NCALD: variants seen among roughly 807,000 people sequenced by gnomAD.
NCALD encodes neurocalcin delta, also known as neurocalcin-delta.
In NCALD, 10 loss-of-function variants were observed where a neutral mutation model predicts 18.6. That is an observed-to-expected ratio of 0.54 (90% CI 0.33 to 0.91). The LOEUF is 0.91. NCALD is among the 40% of genes least tolerant of loss of function. NCALD has a pLI of 0.03. For missense variants in NCALD, 184 were observed against 247.6 expected (o/e 0.74, Z 1.72); for synonymous variants, 88 against 87.4 (o/e 1.01, Z -0.04).
chr8:101,806,749 G>A (rs777609850), intron 4 of NCALD, among the ~76,000 whole-genome samples: 2 of 152,074 alleles, frequency 1.3e-5, no homozygotes, highest in Non-Finnish European at 2.9e-5. Flanking sequence ...TAAAACACAT[G>A]CACCTATGCA....
intron 1 of NCALD, among the ~76,000 whole-genome samples, chr8:102,022,032 T>C (rs1167706898): frequency 6.6e-6 from 1 of 152,186 alleles, no homozygotes; most frequent in Non-Finnish European, 1.5e-5. Context: ...AAAGAGATGA[T>C]ACACTCAAAT....
chr8:102,070,500 C>T (rs1008223659), intron 1 of NCALD, among the ~76,000 whole-genome samples: 8 of 152,110 alleles, frequency 5.3e-5, no homozygotes, highest in African/African-American at 1.9e-4. Context: ...GGGGACTGCT[C>T]CCTGGAAAAA....
In NCALD at chr8:102,111,327, G is replaced by T. The variant is rs899167053; in HGVS notation, c.-210+12910C>A. 3.9e-5 allele frequency among the ~76,000 whole-genome samples: 6 copies of T among 152,116 alleles called. No homozygotes were observed. In the South Asian group the frequency reaches 1.2e-3, roughly 32 times the overall value. On this transcript the variant is annotated intron_variant, in intron 1 of 6. Coordinates refer to the NCALD transcript ENST00000311028. Reference sequence around the variant, plus strand: ...CATCATGGCTTCCAAAGGGTGAGGCGGTGGGAACTCAACATCACTGACTTC... The same window carrying T: ...CATCATGGCTTCCAAAGGGTGAGGCTGTGGGAACTCAACATCACTGACTTC...
chr8:101,717,446 TTC>T (rs1816138353), intron 2 of NCALD, among the ~76,000 whole-genome samples: 1 of 152,234 alleles, frequency 6.6e-6, no homozygotes, highest in African/African-American at 2.4e-5. Context: ...TTGCTTGAAT[TTC>T]TGAGTCGTGG....
intron 1 of NCALD, among the ~76,000 whole-genome samples, chr8:102,097,424 G>A (rs1825137919): frequency 6.6e-6 from 1 of 152,152 alleles, no homozygotes; most frequent in African/African-American, 2.4e-5. Flanking sequence ...CAACCACGCG[G>A]GTGCTTAAGT....
At chr8:101,892,564 C>T (rs1414780727) in intron 3 of NCALD, among the ~76,000 whole-genome samples, 2 of 148,896 alleles carry the variant, frequency 1.3e-5, no homozygotes, top group South Asian at 2.1e-4. Flanking sequence ...CAAACTACTC[C>T]GAGCTACAGG....
intron 4 of NCALD, among the ~76,000 whole-genome samples, chr8:101,845,909 C>A (rs1814849600): frequency 6.6e-6 from 1 of 152,198 alleles, no homozygotes; most frequent in East Asian, 1.9e-4. Context: ...TTTATTAACT[C>A]CCACATAGGA....
At chr8:101,736,018 A>G (rs1809893773) in intron 1 of NCALD, among the ~76,000 whole-genome samples, 1 of 152,180 alleles carries the variant, frequency 6.6e-6, no homozygotes, top group Admixed American at 6.5e-5. Context: ...TGCCCTACAC[A>G]TCTGGGCTAG....
intron 2 of NCALD, among the ~76,000 whole-genome samples, chr8:102,018,091 GA>G: frequency 6.6e-6 from 1 of 152,216 alleles, no homozygotes; most frequent in East Asian, 1.9e-4. Context: ...CCAAGTGCTA[GA>G]GGAGCTGTGG....
At chr8:102,037,667 T>C (rs1407925571) in intron 1 of NCALD, among the ~76,000 whole-genome samples, 1 of 152,130 alleles carries the variant, frequency 6.6e-6, no homozygotes, top group Non-Finnish European at 1.5e-5. Context: ...TTAACATATA[T>C]TACACTTACA....
intron 1 of NCALD, among the ~76,000 whole-genome samples, chr8:101,783,544 C>G (rs926212321): frequency 1.3e-5 from 2 of 152,132 alleles, no homozygotes; most frequent in African/African-American, 2.4e-5. Flanking sequence ...AAAATAGTGT[C>G]AAAGATACAG....
At chr8:101,955,912 T>G (rs775080452) in intron 2 of NCALD, among the ~76,000 whole-genome samples, 16 of 152,074 alleles carry the variant, frequency 1.1e-4, no homozygotes, top group Non-Finnish European at 2.4e-4. Context: ...GAATACACAC[T>G]CAGGTATTTA....
intron 3 of NCALD, among the ~76,000 whole-genome samples, chr8:101,891,554 G>A (rs868416015): frequency 4.4e-4 from 67 of 152,222 alleles, no homozygotes; most frequent in Admixed American, 1.2e-3. Flanking sequence ...AGCTCCCAGC[G>A]TGAGCGACGC....
chr8:101,707,691 G>A (rs1815593022), intron 2 of NCALD, among the ~76,000 whole-genome samples: 1 of 152,088 alleles, frequency 6.6e-6, no homozygotes, highest in South Asian at 2.1e-4. Flanking sequence ...AACTAGGAGA[G>A]AAAGTTTGAC....
chr8:101,688,283 C>A lies in NCALD; in HGVS notation c.*1026G>T. The A allele has an allele frequency of 1.0e-5, 2 of 199,964 alleles. No homozygotes were observed. Among genetic ancestry groups the A allele is most frequent in the Admixed American group, 1.1e-4 (2 of 18,662 alleles). The allele number at this position is 199,964 out of a possible 1,614,324, so 12.4% of individuals were successfully genotyped here. ...CACTACCACCTGCTCTGCATCTGCC[C>A]TCTAGGCATGGCCACTCTGGAAATG... On this transcript the variant is annotated 3_prime_UTR_variant, in exon 4 of 4. Transcript: ENST00000220931.
chr8:101,922,458 C>T (rs561529973), intron 2 of NCALD, among the ~76,000 whole-genome samples: 7 of 152,188 alleles, frequency 4.6e-5, no homozygotes, highest in African/African-American at 1.7e-4. Context: ...TTGTTCCCAG[C>T]AATTAATGAG....
Position 101,801,759 on chromosome 8 carries a change from C to T in NCALD, c.-19-82111G>A, listed in dbSNP as rs140743423. Among the ~76,000 whole-genome samples the T allele has an allele frequency of 5.9e-3, 846 of 143,996 alleles. 10 individuals are homozygous for T. The highest frequency in any genetic ancestry group is 0.018 in the African/African-American group (739 of 40,028). The allele number at this position is 143,996 out of a possible 152,430, so 94.5% of individuals were successfully genotyped here. ...TCGGCTCACTGCAAGCTCCGCCTCC[C>T]GGGTTCACGCCATTCTCCTGCCTCA... is the stretch of plus-strand genomic sequence containing the variant. On this transcript the variant is annotated intron_variant, in intron 4 of 6. Coordinates refer to the NCALD transcript ENST00000311028.
intron 1 of NCALD, among the ~76,000 whole-genome samples, chr8:102,049,183 C>T (rs1161827149): frequency 6.6e-6 from 1 of 152,178 alleles, no homozygotes; most frequent in South Asian, 2.1e-4. Flanking sequence ...TCCGCATCTG[C>T]AGTTTCAACT....
intron 1 of NCALD, among the ~76,000 whole-genome samples, chr8:101,734,064 G>A (rs1816964866): frequency 6.6e-6 from 1 of 152,126 alleles, no homozygotes. Context: ...TTCTCCAGGA[G>A]GAGCCCCAGG....
Sources: allele counts gnomAD v4.1 joint callset (sites outside exome capture counted in the v4.1 genomes callset), GRCh38; gene constraint gnomAD v4.1.1; transcripts MANE v1.5; gene names NCBI Gene and HGNC (gene_info 2026-07-23, HGNC 2026-07-21).